Variants in RP1 observed in about 807,000 individuals in gnomAD.
RP1 encodes oxygen-regulated protein 1.
In RP1, 16 loss-of-function variants were observed where a neutral mutation model predicts 14.8. That is an observed-to-expected ratio of 1.08 (90% CI 0.73 to 1.65). The LOEUF (loss-of-function observed/expected upper bound fraction) is 1.65, where lower values mean the gene tolerates loss of function less well. Ranked by LOEUF, RP1 falls within the 40% of genes most tolerant of loss-of-function variation. The pLI is 0.00. For missense variants in RP1, 2,631 were observed against 2,535.0 expected (o/e 1.04, Z -0.81); for synonymous variants, 876 against 883.6 (o/e 0.99, Z 0.15).
chr8:54,733,658 C>T (rs1320674836), intron 17 of RP1, among the ~76,000 whole-genome samples: 1 of 152,062 alleles, frequency 6.6e-6, no homozygotes, highest in African/African-American at 2.4e-5. Flanking sequence ...TACCTTTTAA[C>T]CATTTGACAT....
intron 17 of RP1, among the ~76,000 whole-genome samples, chr8:54,727,541 T>C (rs899585827): frequency 6.6e-6 from 1 of 152,140 alleles, no homozygotes; most frequent in African/African-American, 2.4e-5. Flanking sequence ...AAATTTGTTC[T>C]GGCAAAAATA....
chr8:54,625,909 C>G lies in RP1; in HGVS notation c.2027C>G (p.Ser676Cys), dbSNP rs767901469. 1 of 1,613,782 alleles carries G rather than the reference C, an allele frequency of 6.2e-7. No individual in the cohort carries two copies. The highest frequency in any genetic ancestry group is 8.5e-7 in the Non-Finnish European group (1 of 1,179,914). ...SSVASKKKKK[S>C]RQQAINSRYQ... ...GTTGCCAGCAAAAAGAAGAAAAAAT[C>G]TCGACAGCAAGCAATAAATTCCAGG... Residue 676 changes from serine (S) to cysteine (C), a missense_variant, in exon 4 of 4, where the codon TCT (serine) becomes TGT (cysteine). Physicochemically the swap from Ser to Cys is moderately radical, Grantham distance 112 (BLOSUM62 -1). Transcript: ENST00000220676.
At chr8:54,622,041 A>C (rs966926257) in intron 2 of RP1, 76 bp from the exon 3 acceptor site, 27 of 1,476,036 alleles carry the variant, frequency 1.8e-5, no homozygotes, top group Non-Finnish European at 2.4e-5. Context: ...TGTTGATTTG[A>C]TTCAAGCAAA....
At chr8:54,586,250 C>A (rs1481445282) in intron 1 of RP1, among the ~76,000 whole-genome samples, 3 of 152,208 alleles carry the variant, frequency 2.0e-5, no homozygotes, top group Non-Finnish European at 2.9e-5. Flanking sequence ...ATTGGAGTTT[C>A]CTGGAGGTCC....
At chr8:54,632,631 C>CAAAT (rs1442457769), downstream of RP1, among the ~76,000 whole-genome samples, 1 of 152,108 alleles carries the variant, frequency 6.6e-6, no homozygotes, top group African/African-American at 2.4e-5. Context: ...GAAGGATGTG[C>CAAAT]AAATATGCTG....
At chr8:54,708,802 G>T in intron 15 of RP1, among the ~76,000 whole-genome samples, 1 of 147,130 alleles carries the variant, frequency 6.8e-6, no homozygotes, top group South Asian at 2.1e-4. Context: ...GAATCTTTTT[G>T]TCCTACACTT....
At chr8:54,563,625 A>T (rs1307924941) in intron 1 of RP1, among the ~76,000 whole-genome samples, 1 of 152,076 alleles carries the variant, frequency 6.6e-6, no homozygotes, top group Non-Finnish European at 1.5e-5. Flanking sequence ...AGCTCACTAC[A>T]GCCTTGAATT....
chr8:54,849,168 G>A (rs1418257023), intron 25 of RP1, among the ~76,000 whole-genome samples: 1 of 152,056 alleles, frequency 6.6e-6, no homozygotes, highest in Non-Finnish European at 1.5e-5. Context: ...AGAAGTTAGG[G>A]AATGCCAACA....
intron 24 of RP1, among the ~76,000 whole-genome samples, chr8:54,813,394 C>T (rs1410274230): frequency 1.3e-5 from 2 of 152,240 alleles, no homozygotes; most frequent in East Asian, 1.9e-4. Context: ...AACTTTACTC[C>T]GTGGTTAACC....
At chr8:54,717,707 C>T (rs1294956436) in intron 15 of RP1, among the ~76,000 whole-genome samples, 2 of 152,062 alleles carry the variant, frequency 1.3e-5, no homozygotes, top group African/African-American at 4.8e-5. Flanking sequence ...GGACATCTCT[C>T]ACCACTCCAA....
intron 12 of RP1, among the ~76,000 whole-genome samples, chr8:54,683,910 A>G (rs568670073): frequency 6.6e-6 from 1 of 151,500 alleles, no homozygotes; most frequent in East Asian, 1.9e-4. Context: ...GCTTTTGCCC[A>G]CTCAGTATGG....
At chr8:54,649,089 A>C (rs1484004993) in exon 4 of RP1, 1 of 1,530,486 alleles carries the variant, frequency 6.5e-7, no homozygotes, top group Non-Finnish European at 8.7e-7. Context: ...TTCAGCCCCC[A>C]TATATCTTTA....
At chr8:54,826,598 TA>T (rs900445704) in intron 24 of RP1, among the ~76,000 whole-genome samples, 3 of 135,378 alleles carry the variant, frequency 2.2e-5, no homozygotes, top group Non-Finnish European at 5.0e-5. Context: ...ATTGCAGAAA[TA>T]TTTTTTACAT....
At chr8:54,870,110 G>A (rs1812555418) in exon 29 of RP1, 1 of 385,124 alleles carries the variant, frequency 2.6e-6, no homozygotes. Context: ...AGGATGCACT[G>A]ACAGCCTCCG....
intron 1 of RP1, among the ~76,000 whole-genome samples, chr8:54,568,159 G>A (rs1171624848): frequency 6.6e-6 from 1 of 152,116 alleles, no homozygotes; most frequent in African/African-American, 2.4e-5. Context: ...AGAAAAAGGG[G>A]ACCCCTCTTT....
intron 24 of RP1, among the ~76,000 whole-genome samples, chr8:54,794,201 T>C (rs1030283366): frequency 3.3e-5 from 5 of 151,520 alleles, no homozygotes; most frequent in African/African-American, 1.2e-4. Context: ...GACAGAAATA[T>C]AAAAAACAAT....
exon 20 of RP1, chr8:54,754,884 G>A (rs765847652): frequency 6.0e-5 from 92 of 1,527,474 alleles, no homozygotes; most frequent in Non-Finnish European, 7.4e-5. Flanking sequence ...GGCAGATGGG[G>A]ATGTTGTCTG....
At chr8:54,672,631 A>G (rs1807202971) in intron 7 of RP1, among the ~76,000 whole-genome samples, 1 of 152,168 alleles carries the variant, frequency 6.6e-6, no homozygotes, top group Admixed American at 6.5e-5. Flanking sequence ...TTAAATCTGT[A>G]TGTATATTGT....
chr8:54,857,215 A>G (rs1302056150), intron 27 of RP1: 1 of 283,794 alleles, frequency 3.5e-6, no homozygotes, highest in East Asian at 5.7e-5. Flanking sequence ...AATTCAGATA[A>G]GAAAATAATC....
Sources: gnomAD v4.1 joint callset for allele counts (sites outside exome capture counted in the v4.1 genomes callset) on GRCh38, gnomAD v4.1.1 for gene constraint, MANE v1.5 for transcripts, NCBI Gene and HGNC (gene_info 2026-07-23, HGNC 2026-07-21) for gene names.